CDH20: variants seen among roughly 807,000 people sequenced by gnomAD.
CDH20 encodes the protein cadherin-20.
A neutral mutation model predicts 74.2 loss-of-function variants in CDH20; 29 were observed. The observed-to-expected ratio is 0.39, with a 90% CI of 0.29 to 0.53. The LOEUF (loss-of-function observed/expected upper bound fraction) is 0.53, where lower values mean the gene tolerates loss of function less well. Ranked by LOEUF, CDH20 falls within the 20% of genes least tolerant of loss-of-function variation. The pLI is 0.69. For synonymous variants in CDH20, 469 were observed against 405.4 expected, an observed-to-expected ratio of 1.16 and a Z score of -1.88; for missense variants, 988 against 1,048.3, an observed-to-expected ratio of 0.94 and a Z score of 0.79.
At chr18:61,438,444 G>A (rs137974371) in intron 1 of CDH20, among the ~76,000 whole-genome samples, 1 of 152,226 alleles carries the variant, frequency 6.6e-6, no homozygotes, top group East Asian at 1.9e-4. Context: ...AAGACAGACA[G>A]GCAGAGGTTA....
chr18:61,468,699 T>C (rs1321328473), intron 1 of CDH20, among the ~76,000 whole-genome samples: 2 of 152,166 alleles, frequency 1.3e-5, no homozygotes, highest in Non-Finnish European at 2.9e-5. Flanking sequence ...ACTGTAAGCA[T>C]CGCTTCCATT....
chr18:61,363,441 A>G (rs1444526239), intron 1 of CDH20, among the ~76,000 whole-genome samples: 1 of 152,152 alleles, frequency 6.6e-6, no homozygotes, highest in Non-Finnish European at 1.5e-5. Context: ...TAGTGGGGGA[A>G]AAAGTATCTC....
At chr18:61,462,835 T>C (rs1171586034) in intron 1 of CDH20, among the ~76,000 whole-genome samples, 1 of 151,450 alleles carries the variant, frequency 6.6e-6, no homozygotes, top group East Asian at 1.9e-4. Context: ...TGGCATAGAG[T>C]TCAAGAAAAC....
At chr18:61,350,465 G>A (rs1000735256) in intron 1 of CDH20, among the ~76,000 whole-genome samples, 2 of 151,988 alleles carry the variant, frequency 1.3e-5, no homozygotes, top group African/African-American at 4.8e-5. Context: ...GCGATTCCAT[G>A]CACGATTCCA....
At chr18:61,545,407 C>T (rs1472652606) in intron 10 of CDH20, among the ~76,000 whole-genome samples, 1 of 151,882 alleles carries the variant, frequency 6.6e-6, no homozygotes, top group Non-Finnish European at 1.5e-5. Context: ...CGTGCCCAGC[C>T]TCACAGTGTC....
chr18:61,512,702 G>A (rs1421704298), intron 6 of CDH20, among the ~76,000 whole-genome samples: 1 of 151,996 alleles, frequency 6.6e-6, no homozygotes, highest in Admixed American at 6.6e-5. Context: ...GGTATGTTGT[G>A]TCTTTGTTCT....
At position 61,477,259 on chromosome 18, in the gene CDH20, T is replaced by C. The variant is rs192427932; in HGVS notation, c.-152-13143T>C. The stretch of plus-strand genomic sequence containing the variant: ...CCCAGTGGTACTAAGGAGAAGACAA[T>C]GTTGCATCTCAGGCTGATAAACAAC... On this transcript the variant is annotated intron_variant, in intron 1 of 11. Coordinates refer to ENST00000262717, the MANE Select transcript of CDH20 (RefSeq NM_031891.4). 2.6e-5 allele frequency among the ~76,000 whole-genome samples: 4 copies of C among 152,290 alleles called. No individual in the cohort carries two copies. The East Asian group carries it at 7.7e-4, about 29-fold the overall frequency.
Position 61,335,808 on chromosome 18 carries a change from T to C in CDH20, c.-153+1981T>C, listed in dbSNP as rs1909739512. 4.6e-5 allele frequency among the ~76,000 whole-genome samples: 7 copies of C among 152,370 alleles called. No individual in the cohort carries two copies. In the South Asian group the frequency reaches 1.4e-3, roughly 32 times the overall value. The stretch of plus-strand genomic sequence containing the variant: ...TTTGCTACACTGCAGGTTAAGGAGA[T>C]ACATTTTTAGCATGTGTGCCATGTG... On this transcript the variant is annotated intron_variant, in intron 1 of 11. Coordinates refer to ENST00000262717, the MANE Select transcript of CDH20 (RefSeq NM_031891.4).
At chr18:61,545,214 T>G in intron 10 of CDH20, 70 bp downstream of exon 10, 3 of 928,254 alleles carry the variant, frequency 3.2e-6, no homozygotes, top group Non-Finnish European at 5.4e-6. Flanking sequence ...GTTACTGTCT[T>G]ATGCAAACAG....
At position 61,353,435 on chromosome 18, in the gene CDH20, C is replaced by T. The variant is rs904491775; in HGVS notation, c.-153+19608C>T. Among the ~76,000 whole-genome samples, 2 of 152,194 alleles carry T rather than the reference C, an allele frequency of 1.3e-5. No individual in the cohort carries two copies. Among genetic ancestry groups the T allele is most frequent in the Non-Finnish European group, 2.9e-5 (2 of 68,036 alleles). ...GTTACTTCTTCTTCCCCTAGATTCT[C>T]ATAAAATGGACTTCATATTGCAATA... On this transcript the variant is annotated intron_variant, in intron 1 of 11. Transcript: ENST00000262717. The surrounding 1 kb of genome is among the most constrained non-coding windows in gnomAD (Gnocchi z 4.6).
At chr18:61,394,033 C>G (rs936257523) in intron 1 of CDH20, among the ~76,000 whole-genome samples, 1 of 152,142 alleles carries the variant, frequency 6.6e-6, no homozygotes, top group Non-Finnish European at 1.5e-5. Context: ...CAGCATTAAT[C>G]AGATCTGACT....
chr18:61,384,785 A>G (rs1477288672), intron 1 of CDH20, among the ~76,000 whole-genome samples: 3 of 152,220 alleles, frequency 2.0e-5, no homozygotes, highest in African/African-American at 4.8e-5. Context: ...TTGAGAGCAT[A>G]TAAAAATAAA....
intron 9 of CDH20, among the ~76,000 whole-genome samples, chr18:61,542,141 A>G (rs1244146635): frequency 6.6e-6 from 1 of 152,228 alleles, no homozygotes; most frequent in Non-Finnish European, 1.5e-5. Flanking sequence ...ACATGCCTCA[A>G]GAAATATGTT....
At chr18:61,405,842 G>A (rs1265380860) in intron 1 of CDH20, among the ~76,000 whole-genome samples, 2 of 152,208 alleles carry the variant, frequency 1.3e-5, no homozygotes, top group African/African-American at 4.8e-5. Flanking sequence ...TTAAGGTTGA[G>A]AAACACTGCG....
intron 6 of CDH20, among the ~76,000 whole-genome samples, chr18:61,510,570 C>A (rs912657694): frequency 3.3e-5 from 5 of 152,130 alleles, no homozygotes; most frequent in Admixed American, 1.3e-4. Context: ...AATAAGGGAC[C>A]AGTTCATATG....
intron 5 of CDH20, among the ~76,000 whole-genome samples, chr18:61,505,287 A>T (rs1472531913): frequency 1.3e-5 from 2 of 151,674 alleles, no homozygotes; most frequent in Non-Finnish European, 2.9e-5. Flanking sequence ...ATAGCAGAAC[A>T]CTATACAAGG....
intron 1 of CDH20, among the ~76,000 whole-genome samples, chr18:61,415,277 A>T (rs1459019030): frequency 6.6e-6 from 1 of 152,212 alleles, no homozygotes; most frequent in Non-Finnish European, 1.5e-5. Context: ...ATATATTTTA[A>T]GTCATTTTAC....
chr18:61,362,689 T>C (rs940292017), intron 1 of CDH20, among the ~76,000 whole-genome samples: 2 of 152,104 alleles, frequency 1.3e-5, no homozygotes, highest in African/African-American at 4.8e-5. Flanking sequence ...CTATGTAGTA[T>C]GTACTTAGTA....
chr18:61,533,802 G>A (rs1161345390), intron 7 of CDH20, among the ~76,000 whole-genome samples: 1 of 152,144 alleles, frequency 6.6e-6, no homozygotes, highest in Non-Finnish European at 1.5e-5. Context: ...TCTTGTATAA[G>A]GGGTCAGATA....
Sources: allele counts gnomAD v4.1 joint callset (sites outside exome capture counted in the v4.1 genomes callset), GRCh38; gene constraint gnomAD v4.1.1; non-coding constraint Gnocchi (gnomAD v3.1); transcripts MANE v1.5; gene names NCBI Gene and HGNC (gene_info 2026-07-23, HGNC 2026-07-21).